TMEM135: variants seen among roughly 807,000 people sequenced by gnomAD.
TMEM135 encodes the protein transmembrane protein 135, also known as peroxisomal membrane protein 52.
Under a neutral mutation model 60.3 loss-of-function variants are expected in TMEM135, and 30 were observed. That is an observed-to-expected ratio of 0.50 (90% confidence interval 0.37 to 0.68). The LOEUF (loss-of-function observed/expected upper bound fraction) is 0.68, where lower values mean the gene tolerates loss of function less well. TMEM135 is among the 30% of genes least tolerant of loss of function. The pLI, the probability that TMEM135 is intolerant of heterozygous loss-of-function variation, is 0.00. For synonymous variants in TMEM135, 190 were observed against 186.7 expected, an observed-to-expected ratio of 1.02 and a Z score of -0.14; for missense variants, 468 against 548.8, an observed-to-expected ratio of 0.85 and a Z score of 1.47.
chr11:87,181,307 ATG>A (rs1435113000), intron 5 of TMEM135, among the ~76,000 whole-genome samples: 3 of 152,178 alleles, frequency 2.0e-5, no homozygotes, highest in African/African-American at 7.2e-5. Flanking sequence ...AGACAATAAA[ATG>A]AGCACAGTGT....
intron 1 of TMEM135, among the ~76,000 whole-genome samples, chr11:87,060,070 G>A (rs1364314266): frequency 1.3e-5 from 2 of 151,922 alleles, no homozygotes; most frequent in East Asian, 1.9e-4. Flanking sequence ...CGGAGATCGC[G>A]CCACTGCACT....
intron 6 of TMEM135, among the ~76,000 whole-genome samples, chr11:87,274,834 A>G (rs1365249225): frequency 1.5e-5 from 2 of 129,858 alleles, no homozygotes; most frequent in Admixed American, 7.8e-5. Context: ...GTGTGTTTAT[A>G]TATTTATATA....
intron 3 of TMEM135, among the ~76,000 whole-genome samples, chr11:87,088,731 A>G (rs766400011): frequency 1.3e-5 from 2 of 152,190 alleles, no homozygotes; most frequent in African/African-American, 4.8e-5. Context: ...AGAAACCTGC[A>G]TTTAAGAGCA....
intron 1 of TMEM135, among the ~76,000 whole-genome samples, chr11:87,067,211 A>G (rs917519087): frequency 2.7e-5 from 4 of 147,540 alleles, no homozygotes; most frequent in Admixed American, 6.8e-5. Context: ...GTAATATACT[A>G]TATATATGTA....
intron 4 of TMEM135, among the ~76,000 whole-genome samples, chr11:87,112,230 T>C (rs1271857160): frequency 4.6e-5 from 7 of 152,196 alleles, no homozygotes; most frequent in Non-Finnish European, 2.9e-5. Context: ...AATCATTTTA[T>C]GTGACTTTGG....
intron 5 of TMEM135, among the ~76,000 whole-genome samples, chr11:87,170,886 C>T (rs561774902): frequency 2.1e-4 from 32 of 152,222 alleles, no homozygotes; most frequent in Middle Eastern, 3.4e-3. Context: ...GAAGCTGGGC[C>T]CACAGCCTCC....
At chr11:87,118,360 T>C (rs1247053186) in intron 4 of TMEM135, among the ~76,000 whole-genome samples, 1 of 152,192 alleles carries the variant, frequency 6.6e-6, no homozygotes, top group Non-Finnish European at 1.5e-5. Flanking sequence ...CTTCTTCCAA[T>C]GTAAGGCTCC....
At position 87,323,257 on chromosome 11, in the gene TMEM135, A is replaced by G. The variant is rs1320148367; in HGVS notation, c.*1924A>G. On this transcript the variant is annotated 3_prime_UTR_variant, in exon 15 of 15. Coordinates refer to ENST00000305494, the MANE Select transcript of TMEM135 (RefSeq NM_022918.4). ...AATTGCAGTCATTTTTTTAAATTTT[A>G]TGTAAAATGTAAAATGAAATAGCTA... is the stretch of plus-strand genomic sequence containing the variant. 2.2e-6 allele frequency: 1 copy of G among 453,556 alleles called. No individual in the cohort carries two copies. The highest frequency in any genetic ancestry group is 2.0e-5 in the African/African-American group (1 of 50,090). The allele number at this position is 453,556 out of a possible 1,614,324, so 28.1% of individuals were successfully genotyped here.
chr11:87,111,747 GTGTT>G (rs1857758125), intron 4 of TMEM135, among the ~76,000 whole-genome samples: 1 of 151,536 alleles, frequency 6.6e-6, no homozygotes, highest in African/African-American at 2.4e-5. Context: ...AATATAGCTT[GTGTT>G]TGTTTATTGC....
At chr11:87,080,765 C>A (rs943565925) in intron 3 of TMEM135, among the ~76,000 whole-genome samples, 1 of 152,274 alleles carries the variant, frequency 6.6e-6, no homozygotes, top group Non-Finnish European at 1.5e-5. Flanking sequence ...CGGCTCACTG[C>A]AACCTCCACC....
At chr11:87,296,232 G>C (rs1942346247) in intron 7 of TMEM135, among the ~76,000 whole-genome samples, 1 of 152,178 alleles carries the variant, frequency 6.6e-6, no homozygotes. Context: ...AGTATCACTA[G>C]AGTCTTTTCA....
intron 4 of TMEM135, chr11:87,121,002 A>G (rs1389970205): frequency 6.6e-6 from 1 of 152,230 alleles, no homozygotes; most frequent in African/African-American, 2.4e-5. Flanking sequence ...AGTGAGATGT[A>G]GGTACCATTC....
At chr11:87,250,905 A>G (rs1340192209) in intron 6 of TMEM135, among the ~76,000 whole-genome samples, 1 of 152,148 alleles carries the variant, frequency 6.6e-6, no homozygotes, top group African/African-American at 2.4e-5. Flanking sequence ...GTAATAGGGG[A>G]TGCTCTTGCA....
chr11:87,169,247 C>T (rs1316163833), intron 5 of TMEM135, among the ~76,000 whole-genome samples: 2 of 147,916 alleles, frequency 1.4e-5, no homozygotes, highest in Admixed American at 1.4e-4. Flanking sequence ...GGTCTTGACT[C>T]TTTATCTAGT....
rs983008885 is a variant in TMEM135 at position 87,316,757 on chromosome 11, A to G, written c.1078-1380A>G. 2.6e-5 allele frequency among the ~76,000 whole-genome samples: 4 copies of G among 151,920 alleles called. No homozygotes were observed. In the East Asian group the frequency reaches 7.7e-4, roughly 29 times the overall value. Reference sequence around the variant, plus strand: ...TATTGAGATCTAGTTTATTAAAGGTATTTTACAGCTAAGTGGCCAGAGTTT... The same window carrying G: ...TATTGAGATCTAGTTTATTAAAGGTGTTTTACAGCTAAGTGGCCAGAGTTT... On this transcript the variant is annotated intron_variant, in intron 12 of 14. Coordinates refer to ENST00000305494, the MANE Select transcript of TMEM135 (RefSeq NM_022918.4).
At chr11:87,195,319 T>C (rs1388465422) in intron 5 of TMEM135, among the ~76,000 whole-genome samples, 7 of 6,646 alleles carry the variant, frequency 1.1e-3, no homozygotes, top group Admixed American at 1.6e-3. Flanking sequence ...TTCTCTTTCC[T>C]TCCTTCCTTC....
chr11:87,322,773 A>G lies in TMEM135; in HGVS notation c.*1440A>G. 1 of 454,292 alleles carries G rather than the reference A, an allele frequency of 2.2e-6. No homozygotes were observed. The highest frequency in any genetic ancestry group is 1.6e-5 in the South Asian group (1 of 64,462). The allele number at this position is 454,292 out of a possible 1,614,324, so 28.1% of individuals were successfully genotyped here. A position where few individuals can be genotyped will look rare whatever the true frequency, so the allele number is the denominator to read the frequency against. ...AATTCAATCCTTGGTTGTTATGGCAAACAGAAACCCAACAAAAAGACAGAC... is the reference window on the plus strand; with the variant it reads ...AATTCAATCCTTGGTTGTTATGGCAGACAGAAACCCAACAAAAAGACAGAC... On this transcript the variant is annotated 3_prime_UTR_variant, in exon 15 of 15. Transcript: ENST00000305494.
rs1182891433 is a variant in TMEM135, at chr11:87,140,834, A to G, written c.397-16507A>G. ...GAGTGAGTTACGGGTTGAGGTTCATATATTTCCGTTTGGAAATTCCGTTGT... is the reference window on the plus strand; with the variant it reads ...GAGTGAGTTACGGGTTGAGGTTCATGTATTTCCGTTTGGAAATTCCGTTGT... On this transcript the variant is annotated intron_variant, in intron 4 of 14. Transcript: ENST00000305494. Among the ~76,000 whole-genome samples, 3 of 152,176 alleles carry G rather than the reference A, an allele frequency of 2.0e-5. No homozygotes were observed. The South Asian group carries it at 6.2e-4, about 32-fold the overall frequency.
intron 5 of TMEM135, among the ~76,000 whole-genome samples, chr11:87,162,296 C>T (rs753440606): frequency 6.6e-6 from 1 of 151,696 alleles, no homozygotes; most frequent in African/African-American, 2.4e-5. Context: ...TAGGTATACA[C>T]GTGCCATGGT....
Sources: gnomAD v4.1 joint callset for allele counts (sites outside exome capture counted in the v4.1 genomes callset) on GRCh38, gnomAD v4.1.1 for gene constraint, MANE v1.5 for transcripts, NCBI Gene and HGNC (gene_info 2026-07-23, HGNC 2026-07-21) for gene names.